Variants in PAWR observed in about 807,000 individuals in gnomAD.
The protein encoded by PAWR is pro-apoptotic WT1 regulator.
In PAWR, 23 loss-of-function variants were observed where a neutral mutation model predicts 32.0. The ratio of observed to expected loss-of-function variants is 0.72; its 90% CI spans 0.52 to 1.02. PAWR has a LOEUF of 1.02. Ranked by LOEUF, PAWR falls within the 50% of genes least tolerant of loss-of-function variation. PAWR has a pLI of 0.00. For missense variants in PAWR, 457 were observed against 437.7 expected, an observed-to-expected ratio of 1.04 and a Z score of -0.39; for synonymous variants, 226 against 187.1, an observed-to-expected ratio of 1.21 and a Z score of -1.70.
intron 2 of PAWR, among the ~76,000 whole-genome samples, chr12:79,680,344 G>C (rs1878380043): frequency 6.6e-6 from 1 of 152,144 alleles, no homozygotes; most frequent in African/African-American, 2.4e-5. Context: ...TCCAATTTCA[G>C]ATAACCTTCC....
chr12:79,619,276 G>A (rs908692479), intron 3 of PAWR, among the ~76,000 whole-genome samples: 1 of 152,108 alleles, frequency 6.6e-6, no homozygotes, highest in Non-Finnish European at 1.5e-5. Flanking sequence ...TTATCAGACT[G>A]TTGTGGTATC....
chr12:79,689,877 G>A lies in PAWR; in HGVS notation c.368C>T (p.Pro123Leu). 3 of 1,558,512 alleles carry A rather than the reference G, an allele frequency of 1.9e-6. No homozygotes were observed. The highest frequency in any genetic ancestry group is 2.6e-6 in the Non-Finnish European group (3 of 1,153,012). Residue 123 changes from proline (P) to leucine (L), a missense_variant, in exon 2 of 7, where the codon CCC becomes CTC. Physicochemically the swap from Pro to Leu is moderately conservative, Grantham distance 98. Coordinates refer to ENST00000328827, the MANE Select transcript of PAWR (RefSeq NM_002583.4). The stretch of plus-strand genomic sequence containing the variant: ...GTCCGGCTCCTCCTCGTCACGCTGG[G>A]GCGGCGGTGCAGCCGAGGCAGAGGC... ...PAASASAAPPPQRDEEEPDGV... is the reference protein window; with the variant it reads ...PAASASAAPPLQRDEEEPDGV...
chr12:79,614,242 T>G (rs921280463), intron 3 of PAWR, among the ~76,000 whole-genome samples: 1 of 151,228 alleles, frequency 6.6e-6, no homozygotes, highest in Non-Finnish European at 1.5e-5. Flanking sequence ...ACTCCTGACC[T>G]CGGGTGATCC....
At chr12:79,676,626 T>C (rs1426973056) in intron 2 of PAWR, among the ~76,000 whole-genome samples, 6 of 152,190 alleles carry the variant, frequency 3.9e-5, no homozygotes, top group African/African-American at 9.7e-5. Flanking sequence ...GCTCTCACAA[T>C]ATGAACATAT....
chr12:79,636,674 A>G (rs73136667), intron 2 of PAWR, among the ~76,000 whole-genome samples: 6 of 152,252 alleles, frequency 3.9e-5, no homozygotes, highest in Non-Finnish European at 8.8e-5. Flanking sequence ...TCTTTCTCAT[A>G]AGTAGTAAGT....
At chr12:79,609,305 C>A (rs762847828) in intron 4 of PAWR, among the ~76,000 whole-genome samples, 22 of 151,936 alleles carry the variant, frequency 1.4e-4, no homozygotes, top group African/African-American at 4.6e-4. Context: ...TGGGTTAATA[C>A]GAAATGTGAG....
At chr12:79,666,607 G>A (rs1417110048) in intron 2 of PAWR, among the ~76,000 whole-genome samples, 1 of 152,166 alleles carries the variant, frequency 6.6e-6, no homozygotes, top group Non-Finnish European at 1.5e-5. Flanking sequence ...AAGCAGATAG[G>A]AGAAACAGGA....
intron 2 of PAWR, among the ~76,000 whole-genome samples, chr12:79,643,035 T>A (rs1166761372): frequency 6.6e-6 from 1 of 152,204 alleles, no homozygotes; most frequent in African/African-American, 2.4e-5. Flanking sequence ...GCTATATTCT[T>A]ATATACCAAT....
At position 79,689,814 on chromosome 12, in the gene PAWR, G is replaced by A. The variant is rs749740341; in HGVS notation, c.431C>T (p.Ala144Val). The A allele has an allele frequency of 1.3e-6, 2 of 1,594,714 alleles. No individual in the cohort carries two copies. The highest frequency in any genetic ancestry group is 2.3e-5 in the East Asian group (1 of 43,654). The change falls in exon 2 of 7, where the codon GCC becomes GTC. Residue 144 changes from alanine to valine, a missense_variant. Physicochemically the swap from Ala to Val is moderately conservative, Grantham distance 64 (BLOSUM62 0). Coordinates refer to ENST00000328827, the MANE Select transcript of PAWR (RefSeq NM_002583.4). ...CTCGATCTGCCCCTTGCCTTTCCTG[G>A]CACTGGGGCCCGAGCTCTTGCCCTT... is the stretch of plus-strand genomic sequence containing the variant. ...PEKGKSSGPS[A>V]RKGKGQIEKR...
chr12:79,689,620 A>G (rs1306589920), intron 2 of PAWR, 109 bp downstream of exon 2: 1 of 1,239,588 alleles, frequency 8.1e-7, no homozygotes, highest in African/African-American at 1.6e-5. Flanking sequence ...AGGGACAAGT[A>G]CGAGCCAGGG....
At chr12:79,658,623 A>T (rs886925488) in intron 2 of PAWR, among the ~76,000 whole-genome samples, 1 of 152,182 alleles carries the variant, frequency 6.6e-6, no homozygotes, top group East Asian at 1.9e-4. Flanking sequence ...ATTTCAAGAG[A>T]ATATTCATCC....
At chr12:79,681,624 G>A (rs1878451709) in intron 2 of PAWR, among the ~76,000 whole-genome samples, 1 of 152,116 alleles carries the variant, frequency 6.6e-6, no homozygotes, top group Non-Finnish European at 1.5e-5. Flanking sequence ...ATATTAATAT[G>A]TATAAGATAA....
intron 4 of PAWR, among the ~76,000 whole-genome samples, chr12:79,607,099 G>A (rs1413437973): frequency 6.6e-6 from 1 of 152,080 alleles, no homozygotes. Flanking sequence ...TGACAGCATT[G>A]GGTAAAATAT....
chr12:79,632,334 T>C lies in PAWR; in HGVS notation c.517-11127A>G, dbSNP rs1241951650. 3.6e-3 allele frequency among the ~76,000 whole-genome samples: 200 copies of C among 55,078 alleles called. 17 individuals carry two copies. The highest frequency in any genetic ancestry group is 0.025 in the African/African-American group (110 of 4,440). 36.1% of individuals were successfully genotyped at this position (55,078 alleles called of 152,430 possible). On this transcript the variant is annotated intron_variant, in intron 2 of 6. Transcript: ENST00000328827. ...ATACATATATATATATATATATATA[T>C]ATATATATATATATATATATATATA... is the stretch of plus-strand genomic sequence containing the variant.
intron 2 of PAWR, among the ~76,000 whole-genome samples, chr12:79,650,379 T>C (rs527456106): frequency 1.4e-4 from 21 of 152,286 alleles, no homozygotes; most frequent in Admixed American, 8.5e-4. Context: ...AATTTTTGGT[T>C]TTTTATTCCC....
At chr12:79,627,339 A>G (rs1456469103) in intron 2 of PAWR, among the ~76,000 whole-genome samples, 1 of 152,196 alleles carries the variant, frequency 6.6e-6, no homozygotes, top group Non-Finnish European at 1.5e-5. Context: ...TCTGATGGCC[A>G]GTGATGATGA....
chr12:79,671,776 C>T (rs1297568172), intron 2 of PAWR, among the ~76,000 whole-genome samples: 4 of 152,034 alleles, frequency 2.6e-5, no homozygotes, highest in Non-Finnish European at 5.9e-5. Flanking sequence ...ATAATTTCTA[C>T]AAAAAGGACA....
At position 79,689,991 on chromosome 12, in the gene PAWR, C is replaced by G. The variant is rs1878907702; in HGVS notation, c.254G>C (p.Gly85Ala). 6.8e-6 allele frequency: 9 copies of G among 1,314,152 alleles called. 1 individual carries two copies. In the South Asian group the frequency reaches 1.1e-4, roughly 17 times the overall value. The allele number at this position is 1,314,152 out of a possible 1,614,324, so 81.4% of individuals were successfully genotyped here. A position where few individuals can be genotyped will look rare whatever the true frequency, so the allele number is the denominator to read the frequency against. Residue 85 changes from glycine to alanine, a missense_variant, in exon 2 of 7, where the codon GGT (glycine) becomes GCT (alanine). Physicochemically the swap from Gly to Ala is moderately conservative, Grantham distance 60 (BLOSUM62 0). Transcript: ENST00000328827. ...GGAPAAPAVP[G>A]PGGVNCAVGS... ...GACCGCGCAGTTCACGCCCCCGGGACCGGGGACGGCAGGTGCGGCCGGCGC... is the reference window on the plus strand; with the variant it reads ...GACCGCGCAGTTCACGCCCCCGGGAGCGGGGACGGCAGGTGCGGCCGGCGC...
At chr12:79,594,762 C>T (rs1873685885) in intron 5 of PAWR, among the ~76,000 whole-genome samples, 1 of 152,048 alleles carries the variant, frequency 6.6e-6, no homozygotes, top group South Asian at 2.1e-4. Context: ...TCTTGTCACC[C>T]AGGCTGGAGT....
Sources: allele counts gnomAD v4.1 joint callset (sites outside exome capture counted in the v4.1 genomes callset), GRCh38; gene constraint gnomAD v4.1.1; transcripts MANE v1.5; gene names NCBI Gene and HGNC (gene_info 2026-07-23, HGNC 2026-07-21).